DAB1: variants seen among roughly 807,000 people sequenced by gnomAD.
DAB1 encodes the protein disabled homolog 1.
Under a neutral mutation model 64.6 loss-of-function variants are expected in DAB1, and 15 were observed. That is an observed-to-expected ratio of 0.23 (90% CI 0.16 to 0.36). DAB1 has a LOEUF of 0.36. Among genes scored for constraint, DAB1 ranks in the 10% least tolerant of loss-of-function variants. The pLI is 1.00. For missense variants in DAB1, 596 were observed against 706.7 expected (o/e 0.84, Z 1.78); for synonymous variants, 235 against 251.9 (o/e 0.93, Z 0.64).
rs139171153 is a variant in DAB1, at chr1:57,675,547, T to G, written n.552-25882A>C. Among the ~76,000 whole-genome samples the G allele has an allele frequency of 4.1e-3, 631 of 152,304 alleles. 8 individuals are homozygous for G. The highest frequency in any genetic ancestry group is 0.014 in the African/African-American group (600 of 41,576). ...TGTCCTCAATGCCCAGCACAGTTCC[T>G]GAAGCATGTCATATTGTCACTATAC... is the stretch of plus-strand genomic sequence containing the variant. On this transcript the variant is annotated intron_variant and non_coding_transcript_variant, in intron 6 of 20. Transcript: ENST00000485760.
At chr1:57,268,770 G>A (rs1272707648) in intron 2 of DAB1, among the ~76,000 whole-genome samples, 2 of 152,198 alleles carry the variant, frequency 1.3e-5, no homozygotes, top group African/African-American at 4.8e-5. Context: ...TAAGTAGCTT[G>A]CGGAGCTAGG....
chr1:57,181,894 G>A (rs532104098), intron 2 of DAB1, among the ~76,000 whole-genome samples: 33 of 152,054 alleles, frequency 2.2e-4, no homozygotes, highest in Admixed American at 5.9e-4. Context: ...TGTTTGTTTT[G>A]TTTTGTTTTG....
intron 3 of DAB1, among the ~76,000 whole-genome samples, chr1:58,417,008 TG>T (rs1443957129): frequency 6.6e-6 from 1 of 152,266 alleles, no homozygotes; most frequent in Non-Finnish European, 1.5e-5. Context: ...AATGCAGTTT[TG>T]AAATGAATGT....
intron 5 of DAB1, among the ~76,000 whole-genome samples, chr1:58,119,268 A>G (rs1391307441): frequency 1.3e-5 from 2 of 151,088 alleles, no homozygotes; most frequent in Non-Finnish European, 2.9e-5. Flanking sequence ...GCTTAATTCA[A>G]TTTGGCAGCA....
intron 9 of DAB1, among the ~76,000 whole-genome samples, chr1:57,046,516 T>A (rs1207330625): frequency 6.6e-6 from 1 of 152,222 alleles, no homozygotes; most frequent in Non-Finnish European, 1.5e-5. Flanking sequence ...CATGATGATT[T>A]ATCCAGAAAA....
At chr1:57,846,398 C>G (rs1416075928) in intron 1 of DAB1, among the ~76,000 whole-genome samples, 1 of 147,304 alleles carries the variant, frequency 6.8e-6, no homozygotes, top group Non-Finnish European at 1.5e-5. Flanking sequence ...GCAGAGCTTG[C>G]AGTAAGCCGA....
At chr1:57,825,527 C>T (rs1652307073), downstream of DAB1, among the ~76,000 whole-genome samples, 1 of 152,124 alleles carries the variant, frequency 6.6e-6, no homozygotes. Context: ...AGGATCATCA[C>T]AGGTGTTAAG....
chr1:57,322,706 A>T (rs748401018), intron 1 of DAB1, among the ~76,000 whole-genome samples: 2 of 152,226 alleles, frequency 1.3e-5, no homozygotes, highest in African/African-American at 4.8e-5. Context: ...CTCAGCATAC[A>T]CAAATATAGA....
chr1:57,304,957 T>C (rs1335306853), intron 1 of DAB1, among the ~76,000 whole-genome samples: 1 of 152,184 alleles, frequency 6.6e-6, no homozygotes, highest in Non-Finnish European at 1.5e-5. Flanking sequence ...AAACAAGCTA[T>C]AAGCAGACTG....
intron 5 of DAB1, among the ~76,000 whole-genome samples, chr1:57,945,164 T>A (rs550407640): frequency 5.9e-5 from 9 of 152,286 alleles, no homozygotes; most frequent in African/African-American, 2.2e-4. Context: ...AATGCTTCCA[T>A]GCAAGGCCAC....
intron 2 of DAB1, among the ~76,000 whole-genome samples, chr1:57,233,241 G>A (rs1198810628): frequency 7.4e-6 from 1 of 135,010 alleles, no homozygotes; most frequent in African/African-American, 2.7e-5. Flanking sequence ...GCAGCTTCAA[G>A]CTTTGCTCCG....
intron 9 of DAB1, among the ~76,000 whole-genome samples, chr1:57,048,213 C>T (rs1311705979): frequency 2.0e-5 from 3 of 152,200 alleles, no homozygotes; most frequent in Non-Finnish European, 4.4e-5. Context: ...GGCTGCAAAG[C>T]TCATACTCTC....
chr1:57,686,637 A>C (rs965889112), intron 6 of DAB1, among the ~76,000 whole-genome samples: 8 of 152,204 alleles, frequency 5.3e-5, no homozygotes, highest in African/African-American at 1.9e-4. Flanking sequence ...TGAGGAACAT[A>C]GATTCAAAAA....
At chr1:58,055,276 C>A (rs1647980113) in intron 5 of DAB1, among the ~76,000 whole-genome samples, 1 of 152,216 alleles carries the variant, frequency 6.6e-6, no homozygotes, top group South Asian at 2.1e-4. Flanking sequence ...CTTGATTCTT[C>A]TCAGATGCTC....
intron 4 of DAB1, among the ~76,000 whole-genome samples, chr1:58,300,098 A>C (rs2100459866): frequency 6.6e-6 from 1 of 152,326 alleles, no homozygotes; most frequent in South Asian, 2.1e-4. Context: ...AAAAACGTGA[A>C]TGCTCTGATG....
Position 57,381,473 on chromosome 1 carries a change from T to C in DAB1, c.-137+42457A>G, listed in dbSNP as rs183761182. Among the ~76,000 whole-genome samples, 784 of 152,298 alleles carry C rather than the reference T, an allele frequency of 5.1e-3. 2 individuals are homozygous for C. Among genetic ancestry groups the C allele is most frequent in the Non-Finnish European group, 8.2e-3 (559 of 68,010 alleles). On this transcript the variant is annotated intron_variant, in intron 1 of 14. Coordinates refer to ENST00000371236, the MANE Select transcript of DAB1 (RefSeq NM_001365792.1). Reference sequence around the variant, plus strand: ...CTGATGATGTGCAATGTCTATAGAATAAATACAGCCTGGTATCACAGAGTT... The same window carrying C: ...CTGATGATGTGCAATGTCTATAGAACAAATACAGCCTGGTATCACAGAGTT...
At chr1:57,410,286 TG>T (rs776078950) in intron 1 of DAB1, among the ~76,000 whole-genome samples, 1 of 152,168 alleles carries the variant, frequency 6.6e-6, no homozygotes, top group African/African-American at 2.4e-5. Flanking sequence ...AAAACAGTGA[TG>T]GTAGACTTTA....
intron 3 of DAB1, among the ~76,000 whole-genome samples, chr1:58,371,843 T>C (rs1313555770): frequency 3.9e-5 from 6 of 152,170 alleles, no homozygotes; most frequent in Non-Finnish European, 8.8e-5. Flanking sequence ...CCACATGTTG[T>C]TGGGCCTGCA....
intron 7 of DAB1, among the ~76,000 whole-genome samples, chr1:57,561,471 G>A (rs1261086852): frequency 1.3e-5 from 2 of 152,206 alleles, no homozygotes; most frequent in African/African-American, 2.4e-5. Context: ...GGCATGATTG[G>A]AAAATTGGTG....
Sources: allele counts gnomAD v4.1 joint callset (sites outside exome capture counted in the v4.1 genomes callset), GRCh38; gene constraint gnomAD v4.1.1; transcripts MANE v1.5; gene names NCBI Gene and HGNC (gene_info 2026-07-23, HGNC 2026-07-21).